Variants in RGS5 observed in about 807,000 individuals in gnomAD.
RGS5 encodes regulator of G protein signaling 5.
RGS5 carries 20 observed loss-of-function variants against 18.9 expected under a neutral mutation model. The observed-to-expected ratio is 1.06, with a 90% CI of 0.74 to 1.54. The LOEUF (loss-of-function observed/expected upper bound fraction) is 1.54, where lower values mean the gene tolerates loss of function less well. Ranked by LOEUF, RGS5 falls within the 40% of genes most tolerant of loss-of-function variation. RGS5 has a pLI of 0.00. For synonymous variants in RGS5, 57 were observed against 76.2 expected, an observed-to-expected ratio of 0.75 and a Z score of 1.31; for missense variants, 201 against 211.8, an observed-to-expected ratio of 0.95 and a Z score of 0.32.
At chr1:163,320,996 A>T (rs1650187446) in intron 1 of RGS5, among the ~76,000 whole-genome samples, 1 of 152,146 alleles carries the variant, frequency 6.6e-6, no homozygotes, top group Admixed American at 6.5e-5. Flanking sequence ...TCCTGTCCCA[A>T]ACCTCAATAA....
chr1:163,169,977 T>C (rs906582242), intron 1 of RGS5, among the ~76,000 whole-genome samples: 6 of 152,186 alleles, frequency 3.9e-5, no homozygotes, highest in South Asian at 2.1e-4. Flanking sequence ...GTCAGAATTC[T>C]GGGTACTCCT....
At chr1:163,168,536 T>C (rs765471795) in intron 1 of RGS5, among the ~76,000 whole-genome samples, 168 bp from the exon 2 acceptor site, 4 of 152,232 alleles carry the variant, frequency 2.6e-5, no homozygotes, top group Non-Finnish European at 5.9e-5. Flanking sequence ...ATATAAGTTC[T>C]AATAAATAGC....
At chr1:163,227,717 T>C (rs892970391) in intron 2 of RGS5, among the ~76,000 whole-genome samples, 4 of 152,046 alleles carry the variant, frequency 2.6e-5, no homozygotes, top group African/African-American at 9.7e-5. Context: ...ACAAGGCAAG[T>C]CCCTTCCACT....
chr1:163,276,006 T>C (rs1276732955), intron 2 of RGS5, among the ~76,000 whole-genome samples: 1 of 128,950 alleles, frequency 7.8e-6, no homozygotes, highest in Non-Finnish European at 1.7e-5. Flanking sequence ...TGGCACATTC[T>C]TTTTTTTTTC....
chr1:163,266,654 A>G (rs1317304161), intron 2 of RGS5: 1 of 152,116 alleles, frequency 6.6e-6, no homozygotes, highest in African/African-American at 2.4e-5. Flanking sequence ...TCTACCACAC[A>G]GCCTCTCTCA....
Position 163,143,631 on chromosome 1 carries a change from C to T in RGS5, c.*3711G>A, listed in dbSNP as rs1657010474. On this transcript the variant is annotated 3_prime_UTR_variant, in exon 5 of 5. Transcript: ENST00000313961. ...TAGGTCTGAGCACTTACTTTTTAAC[C>T]TCTTCCCTTCTCCCCTTTCTTCCCT... The T allele has an allele frequency of 6.6e-6, 1 of 152,110 alleles. No individual in the cohort carries two copies. Among genetic ancestry groups the T allele is most frequent in the African/African-American group, 2.4e-5 (1 of 41,432 alleles). 9.4% of individuals were successfully genotyped at this position (152,110 alleles called of 1,614,324 possible). A position where few individuals can be genotyped will look rare whatever the true frequency, so the allele number is the denominator to read the frequency against.
intron 2 of RGS5, among the ~76,000 whole-genome samples, chr1:163,243,813 AACACACACACAC>A (rs140181467): frequency 6.7e-6 from 1 of 150,118 alleles, no homozygotes; most frequent in African/African-American, 2.4e-5. Context: ...ACATTCACAC[AACACACACACAC>A]ACACATACAC....
intron 2 of RGS5, among the ~76,000 whole-genome samples, chr1:163,239,893 G>A (rs1175290550): frequency 6.6e-6 from 1 of 152,160 alleles, no homozygotes; most frequent in Non-Finnish European, 1.5e-5. Context: ...CTATCTGGAA[G>A]CAAAAACGTT....
At chr1:163,149,128 C>G (rs1352134980) in intron 4 of RGS5, among the ~76,000 whole-genome samples, 1 of 152,174 alleles carries the variant, frequency 6.6e-6, no homozygotes, top group Admixed American at 6.5e-5. Flanking sequence ...GGTCAATGTA[C>G]TTTATGCAGG....
At chr1:163,182,125 G>A (rs1273927453) in intron 1 of RGS5, among the ~76,000 whole-genome samples, 1 of 152,066 alleles carries the variant, frequency 6.6e-6, no homozygotes, top group Non-Finnish European at 1.5e-5. Flanking sequence ...GCATGTATGT[G>A]TTGATTAATA....
chr1:163,305,689 C>A (rs1218512474), intron 2 of RGS5, among the ~76,000 whole-genome samples: 1 of 152,206 alleles, frequency 6.6e-6, no homozygotes, highest in Non-Finnish European at 1.5e-5. Flanking sequence ...CCACTGTACT[C>A]CAATGGGAGC....
chr1:163,215,041 A>G (rs956111141), intron 1 of RGS5, among the ~76,000 whole-genome samples: 6 of 152,194 alleles, frequency 3.9e-5, no homozygotes, highest in African/African-American at 7.2e-5. Context: ...ACACACACAC[A>G]TATATATCCA....
At chr1:163,220,559 A>G (rs1269191042), upstream of RGS5, among the ~76,000 whole-genome samples, 1 of 152,136 alleles carries the variant, frequency 6.6e-6, no homozygotes, top group Non-Finnish European at 1.5e-5. Context: ...AGTCCATCTG[A>G]TATTTCCACA....
At chr1:163,277,531 G>A (rs1648887252) in intron 2 of RGS5, among the ~76,000 whole-genome samples, 1 of 152,158 alleles carries the variant, frequency 6.6e-6, no homozygotes, top group African/African-American at 2.4e-5. Flanking sequence ...TGGGTTAAAT[G>A]GGTGTTGCTA....
chr1:163,152,785 G>A (rs779940982), intron 3 of RGS5, 69 bp from the exon 4 acceptor site: 67 of 1,398,586 alleles, frequency 4.8e-5, no homozygotes, highest in Non-Finnish European at 1.7e-5. Context: ...ATCCATGAGA[G>A]AAAGGGAAAG....
At chr1:163,296,767 T>C (rs759538251) in intron 2 of RGS5, among the ~76,000 whole-genome samples, 33 of 152,220 alleles carry the variant, frequency 2.2e-4, no homozygotes, top group Non-Finnish European at 4.4e-4. Context: ...AACAGGAATA[T>C]GGCAGTGCTC....
chr1:163,146,386 A>G lies in RGS5; in HGVS notation c.*956T>C, dbSNP rs1163090939. ...TAGTCTATGATAATAGCATCATAGGACAATTAGCCATTTTAGACTTGACCA... is the reference window on the plus strand; with the variant it reads ...TAGTCTATGATAATAGCATCATAGGGCAATTAGCCATTTTAGACTTGACCA... On this transcript the variant is annotated 3_prime_UTR_variant, in exon 5 of 5. Coordinates refer to ENST00000313961, the MANE Select transcript of RGS5 (RefSeq NM_003617.4). 2.0e-5 allele frequency: 3 copies of G among 152,246 alleles called. No homozygotes were observed. The East Asian group carries it at 5.8e-4, about 29-fold the overall frequency. 9.4% of individuals were successfully genotyped at this position (152,246 alleles called of 1,614,324 possible).
At chr1:163,184,110 C>T (rs1006262247) in intron 1 of RGS5, among the ~76,000 whole-genome samples, 6 of 152,098 alleles carry the variant, frequency 3.9e-5, no homozygotes, top group Non-Finnish European at 5.9e-5. Flanking sequence ...ATAGGAGTCT[C>T]TAAGTCAGAG....
chr1:163,143,156 A>G lies in RGS5; in HGVS notation c.*4186T>C, dbSNP rs1180694471. On this transcript the variant is annotated 3_prime_UTR_variant, in exon 5 of 5. Transcript: ENST00000313961. ...TTTGCCTCAGAACCTATTTGGTGAA[A>G]AGTGTGTTTAACACAAACAGTAGCT... 1 of 152,218 alleles carries G rather than the reference A, an allele frequency of 6.6e-6. No homozygotes were observed. The highest frequency in any genetic ancestry group is 1.5e-5 in the Non-Finnish European group (1 of 68,036). The allele number at this position is 152,218 out of a possible 1,614,324, so 9.4% of individuals were successfully genotyped here.
Sources: gnomAD v4.1 joint callset for allele counts (sites outside exome capture counted in the v4.1 genomes callset) on GRCh38, gnomAD v4.1.1 for gene constraint, MANE v1.5 for transcripts, NCBI Gene and HGNC (gene_info 2026-07-23, HGNC 2026-07-21) for gene names.